Variants in SNX31 observed in about 807,000 individuals in gnomAD.
SNX31 encodes sorting nexin-31.
In SNX31, 58 loss-of-function variants were observed where a neutral mutation model predicts 65.4. The ratio of observed to expected loss-of-function variants is 0.89; its 90% CI spans 0.72 to 1.10. The LOEUF (loss-of-function observed/expected upper bound fraction) is 1.10. Among genes scored for constraint, SNX31 ranks in the 50% least tolerant of loss-of-function variants. SNX31 has a pLI of 0.00. For synonymous variants in SNX31, 181 were observed against 190.1 expected (o/e 0.95, Z 0.39); for missense variants, 523 against 529.7 (o/e 0.99, Z 0.12).
At chr8:100,607,229 C>G (rs780614943) in intron 8 of SNX31, among the ~76,000 whole-genome samples, 22 of 152,222 alleles carry the variant, frequency 1.4e-4, no homozygotes, top group Non-Finnish European at 2.8e-4. Context: ...AGGGAACTCA[C>G]TGAAAGAAGC....
At chr8:100,605,458 A>T (rs1563539538) in intron 8 of SNX31, among the ~76,000 whole-genome samples, 1 of 152,156 alleles carries the variant, frequency 6.6e-6, no homozygotes, top group East Asian at 1.9e-4. Flanking sequence ...GATGATAAAG[A>T]TTATTATGAC....
intron 5 of SNX31, among the ~76,000 whole-genome samples, chr8:100,615,924 C>T (rs986088542): frequency 2.0e-5 from 3 of 151,872 alleles, no homozygotes; most frequent in Admixed American, 6.5e-5. Flanking sequence ...CACCCGCCAC[C>T]ACGCCCGGCT....
At chr8:100,590,118 G>C (rs1563520732) in intron 10 of SNX31, among the ~76,000 whole-genome samples, 1 of 152,154 alleles carries the variant, frequency 6.6e-6, no homozygotes, top group Admixed American at 6.5e-5. Context: ...TTTTCCACTA[G>C]AGTCCAATGT....
At chr8:100,590,961 G>A (rs918503690) in intron 10 of SNX31, among the ~76,000 whole-genome samples, 4 of 152,126 alleles carry the variant, frequency 2.6e-5, no homozygotes, top group African/African-American at 9.7e-5. Flanking sequence ...CACAAAGACA[G>A]GGAACCCAAA....
At chr8:100,645,728 C>T (rs545491748) in intron 2 of SNX31, among the ~76,000 whole-genome samples, 1 of 151,694 alleles carries the variant, frequency 6.6e-6, no homozygotes, top group South Asian at 2.1e-4. Context: ...CCTCCCACCT[C>T]AGGCTCCTGA....
rs910834228 is a variant in SNX31, at chr8:100,576,428, C to T, written c.1227+591G>A. On this transcript the variant is annotated intron_variant, in intron 13 of 13. Transcript: ENST00000311812. The surrounding 1 kb of genome is among the most constrained non-coding windows in gnomAD (Gnocchi z 4.8). The stretch of plus-strand genomic sequence containing the variant: ...CCAGGGTCAGACTGCCTGCTTCTTT[C>T]CATCTTTGACTGCTGTGCAACCTTG... Among the ~76,000 whole-genome samples the T allele has an allele frequency of 3.3e-5, 5 of 152,148 alleles. No individual in the cohort carries two copies. Among genetic ancestry groups the T allele is most frequent in the Non-Finnish European group, 1.5e-5 (1 of 68,042 alleles).
intron 10 of SNX31, among the ~76,000 whole-genome samples, chr8:100,592,439 C>T (rs890555023): frequency 2.6e-5 from 4 of 152,172 alleles, no homozygotes; most frequent in African/African-American, 9.7e-5. Flanking sequence ...CGTGTCACAT[C>T]TATCTACTAG....
At chr8:100,644,297 C>T (rs1171265021) in intron 2 of SNX31, among the ~76,000 whole-genome samples, 2 of 152,182 alleles carry the variant, frequency 1.3e-5, no homozygotes, top group Non-Finnish European at 2.9e-5. Context: ...AGAAACAGAG[C>T]CCCATATCAC....
At chr8:100,596,593 C>G (rs1244281299) in intron 10 of SNX31, 46 bp downstream of exon 10, 1 of 1,538,786 alleles carries the variant, frequency 6.5e-7, no homozygotes, top group Non-Finnish European at 9.0e-7. Context: ...TCCAAGGGTA[C>G]TAGGATTTTT....
chr8:100,584,972 G>T (rs974085555), intron 11 of SNX31, among the ~76,000 whole-genome samples: 1 of 151,842 alleles, frequency 6.6e-6, no homozygotes, highest in Non-Finnish European at 1.5e-5. Context: ...TGATCCACCC[G>T]CCTCGCCTCC....
intron 11 of SNX31, among the ~76,000 whole-genome samples, chr8:100,585,885 A>G (rs939664303): frequency 4.6e-5 from 7 of 152,210 alleles, no homozygotes; most frequent in Non-Finnish European, 8.8e-5. Flanking sequence ...TTGAAAATGA[A>G]TAAAAAATTT....
intron 2 of SNX31, among the ~76,000 whole-genome samples, chr8:100,644,107 T>C (rs1819462199): frequency 6.6e-6 from 1 of 151,430 alleles, no homozygotes; most frequent in Non-Finnish European, 1.5e-5. Flanking sequence ...GAGGTATGGG[T>C]AGGGAAAGAG....
At chr8:100,577,632 G>A (rs1470139532) in intron 12 of SNX31, among the ~76,000 whole-genome samples, 2 of 152,208 alleles carry the variant, frequency 1.3e-5, no homozygotes, top group Non-Finnish European at 2.9e-5. Context: ...GGATTACATT[G>A]AATGCATGAA....
rs995111717 is a variant in SNX31 at position 100,591,922 on chromosome 8, C to T, written c.979-2943G>A. 1.6e-4 allele frequency among the ~76,000 whole-genome samples: 25 copies of T among 151,970 alleles called. No homozygotes were observed. The South Asian group carries it at 1.7e-3, about 10-fold the overall frequency. ...CTCTTTAAAGGAATTCAATAAAATG[C>T]GACATTCAATAATGTAAAATTTGCA... On this transcript the variant is annotated intron_variant, in intron 10 of 13. Transcript: ENST00000311812.
chr8:100,580,772 G>C (rs1232984832), intron 12 of SNX31, among the ~76,000 whole-genome samples: 1 of 152,106 alleles, frequency 6.6e-6, no homozygotes, highest in African/African-American at 2.4e-5. Flanking sequence ...TTAGATGAGA[G>C]AGAAACAAAC....
At chr8:100,597,676 G>T (rs757322124) in intron 9 of SNX31, among the ~76,000 whole-genome samples, 1 of 152,204 alleles carries the variant, frequency 6.6e-6, no homozygotes, top group South Asian at 2.1e-4. Flanking sequence ...ATGAGGGCAC[G>T]AGCTGGTCTG....
Position 100,594,703 on chromosome 8 carries a change from A to G in SNX31, c.978+1936T>C, listed in dbSNP as rs1814904271. The stretch of plus-strand genomic sequence containing the variant: ...ACTCACACATTGCTGGTGGGAATGT[A>G]AAATGATGTAGCCATTCTCAAAAAC... On this transcript the variant is annotated intron_variant, in intron 10 of 13. Coordinates refer to ENST00000311812, the MANE Select transcript of SNX31 (RefSeq NM_152628.4). This position sits in a 1 kb window ranked among gnomAD's most constrained non-coding sequence, Gnocchi z 4.0. Among the ~76,000 whole-genome samples, 1 of 152,248 alleles carries G rather than the reference A, an allele frequency of 6.6e-6. No homozygotes were observed. The highest frequency in any genetic ancestry group is 2.1e-4 in the South Asian group (1 of 4,838).
At chr8:100,656,378 A>G (rs1296820329) in intron 1 of SNX31, among the ~76,000 whole-genome samples, 1 of 150,760 alleles carries the variant, frequency 6.6e-6, no homozygotes, top group Non-Finnish European at 1.5e-5. Flanking sequence ...GGTGACTTAC[A>G]CCTGTAATTC....
At chr8:100,596,164 T>G (rs1429787948) in intron 10 of SNX31, among the ~76,000 whole-genome samples, 1 of 152,138 alleles carries the variant, frequency 6.6e-6, no homozygotes, top group Non-Finnish European at 1.5e-5. Flanking sequence ...AAATAATAGA[T>G]GAGACAGTGC....
Sources: allele counts gnomAD v4.1 joint callset (sites outside exome capture counted in the v4.1 genomes callset), GRCh38; gene constraint gnomAD v4.1.1; non-coding constraint Gnocchi (gnomAD v3.1); transcripts MANE v1.5; gene names NCBI Gene and HGNC (gene_info 2026-07-23, HGNC 2026-07-21).